Variants in OSBPL10 observed in about 807,000 individuals in gnomAD.
OSBPL10 encodes oxysterol-binding protein-related protein 10.
Under a neutral mutation model 81.7 loss-of-function variants are expected in OSBPL10, and 49 were observed. The ratio of observed to expected loss-of-function variants is 0.60; its 90% CI spans 0.48 to 0.76. The LOEUF (loss-of-function observed/expected upper bound fraction) is 0.76, where lower values mean the gene tolerates loss of function less well. OSBPL10 is among the 30% of genes least tolerant of loss of function. The pLI is 0.00. For synonymous variants in OSBPL10, 419 were observed against 383.6 expected, an observed-to-expected ratio of 1.09 and a Z score of -1.08; for missense variants, 923 against 987.8, an observed-to-expected ratio of 0.93 and a Z score of 0.88.
At chr3:31,774,921 C>A (rs1340053419) in intron 4 of OSBPL10, among the ~76,000 whole-genome samples, 1 of 151,308 alleles carries the variant, frequency 6.6e-6, no homozygotes, top group East Asian at 2.0e-4. Context: ...AATCCCAGCA[C>A]TTTGGGAGGC....
chr3:32,022,576 A>G (rs1699370828), intron 2 of OSBPL10, among the ~76,000 whole-genome samples: 1 of 152,180 alleles, frequency 6.6e-6, no homozygotes, highest in Admixed American at 6.6e-5. Flanking sequence ...GCTTGAGCTC[A>G]GGAGTTTGAG....
rs115340633 is a variant in OSBPL10 at position 31,716,083 on chromosome 3, C to T, written c.1096-13575G>A. Among the ~76,000 whole-genome samples the T allele has an allele frequency of 6.4e-3, 972 of 152,312 alleles. 7 individuals are homozygous for T. The highest frequency in any genetic ancestry group is 0.022 in the African/African-American group (932 of 41,558). ...AGGTCTACTGTGGTCCCTGGACCTG[C>T]AGCAGCAGAATCACTGTGAACTGAA... On this transcript the variant is annotated intron_variant, in intron 6 of 11. Coordinates refer to ENST00000396556, the MANE Select transcript of OSBPL10 (RefSeq NM_017784.5).
chr3:31,967,397 T>C (rs1698431243), intron 1 of OSBPL10, among the ~76,000 whole-genome samples: 1 of 152,076 alleles, frequency 6.6e-6, no homozygotes, highest in Admixed American at 6.5e-5. Flanking sequence ...GGAGGATCGC[T>C]TGAACCCAGG....
chr3:31,760,225 A>C (rs966827167), intron 4 of OSBPL10, among the ~76,000 whole-genome samples: 6 of 152,200 alleles, frequency 3.9e-5, no homozygotes, highest in African/African-American at 1.4e-4. Context: ...TGGCAGAGAC[A>C]GAAGAGTTGG....
At chr3:31,744,051 A>G (rs1697442855) in intron 5 of OSBPL10, among the ~76,000 whole-genome samples, 1 of 152,228 alleles carries the variant, frequency 6.6e-6, no homozygotes. Flanking sequence ...TGCAAGAAGT[A>G]ACTCTGCTTT....
At chr3:31,773,933 G>A (rs900258146) in intron 4 of OSBPL10, among the ~76,000 whole-genome samples, 3 of 152,192 alleles carry the variant, frequency 2.0e-5, no homozygotes, top group Non-Finnish European at 2.9e-5. Context: ...GGAGGCCGAG[G>A]TGGGTGGATC....
chr3:31,988,027 G>A (rs1698960200), intron 2 of OSBPL10, among the ~76,000 whole-genome samples: 2 of 152,228 alleles, frequency 1.3e-5, no homozygotes, highest in African/African-American at 4.8e-5. Flanking sequence ...AAGAACCCCA[G>A]AGAAGTATTC....
intron 3 of OSBPL10, among the ~76,000 whole-genome samples, chr3:31,864,530 G>A (rs1474570902): frequency 2.0e-5 from 3 of 151,972 alleles, no homozygotes; most frequent in African/African-American, 2.4e-5. Context: ...GTGAGCCACC[G>A]CACCCGACCA....
Position 31,989,891 on chromosome 3 carries a change from G to A in OSBPL10, n.298+56600C>T, listed in dbSNP as rs577712964. ...TGTGGCAAGGTCTTTAATCAGAAGC[G>A]ATACCTTGCATGCCATCATAGATGT... is the stretch of plus-strand genomic sequence containing the variant. On this transcript the variant is annotated intron_variant and non_coding_transcript_variant, in intron 2 of 3. Transcript: ENST00000479173. 1.8e-5 allele frequency: 29 copies of A among 1,614,126 alleles called. No homozygotes were observed. The highest frequency in any genetic ancestry group is 6.7e-5 in the East Asian group (3 of 44,862).
intron 1 of OSBPL10, among the ~76,000 whole-genome samples, chr3:31,884,078 G>C (rs1386056789): frequency 6.6e-6 from 1 of 152,244 alleles, no homozygotes; most frequent in Admixed American, 6.5e-5. Flanking sequence ...TAATTGAAGA[G>C]GACATTATTT....
chr3:32,050,360 T>C (rs938321877), intron 1 of OSBPL10, among the ~76,000 whole-genome samples: 1 of 152,218 alleles, frequency 6.6e-6, no homozygotes, highest in African/African-American at 2.4e-5. Context: ...GCTTTGGGAA[T>C]GAGTCCTTTC....
intron 4 of OSBPL10, among the ~76,000 whole-genome samples, chr3:31,763,511 G>T (rs1277924909): frequency 6.6e-6 from 1 of 152,090 alleles, no homozygotes; most frequent in Non-Finnish European, 1.5e-5. Flanking sequence ...CTTTTATTTT[G>T]CAAGGAGAAT....
At chr3:31,702,292 A>G in intron 7 of OSBPL10, 67 bp downstream of exon 7, 1 of 1,550,866 alleles carries the variant, frequency 6.4e-7, no homozygotes, top group Non-Finnish European at 8.8e-7. Context: ...ATGTGCATAG[A>G]GAAGGCTTGA....
chr3:31,766,175 G>T (rs1698187601), intron 4 of OSBPL10, among the ~76,000 whole-genome samples: 1 of 151,888 alleles, frequency 6.6e-6, no homozygotes, highest in African/African-American at 2.4e-5. Flanking sequence ...TATTGGCTCT[G>T]GGTCACATGC....
intron 4 of OSBPL10, among the ~76,000 whole-genome samples, chr3:31,822,913 T>TAAAAAAAAAAAACA (rs1700013484): frequency 1.1e-5 from 1 of 89,146 alleles, no homozygotes. Context: ...CCCCCAACTC[T>TAAAAAAAAAAAACA]AAAAAAAAAA....
chr3:31,989,325 A>G (rs779872387), intron 2 of OSBPL10: 2 of 1,614,138 alleles, frequency 1.2e-6, no homozygotes, highest in Non-Finnish European at 1.7e-6. Context: ...AAGGCAATAC[A>G]GAAGTGGACA....
chr3:32,006,418 A>G (rs1426060818), intron 2 of OSBPL10, among the ~76,000 whole-genome samples: 11 of 152,194 alleles, frequency 7.2e-5, no homozygotes, highest in South Asian at 2.1e-4. Context: ...TTTGTCTACT[A>G]TATCACATTA....
chr3:31,807,857 A>G (rs1023296524), intron 4 of OSBPL10, among the ~76,000 whole-genome samples: 2 of 152,230 alleles, frequency 1.3e-5, no homozygotes, highest in Admixed American at 6.5e-5. Context: ...CTAGGAAAGG[A>G]AGAGGCACTG....
At position 32,055,227 on chromosome 3, in the gene OSBPL10, G is replaced by A. The variant is rs1297747079; in HGVS notation, n.186-8624C>T. On this transcript the variant is annotated intron_variant and non_coding_transcript_variant, in intron 1 of 3. Coordinates refer to the OSBPL10 transcript ENST00000479173. The stretch of plus-strand genomic sequence containing the variant: ...TTTTTTTTTTTTTTTTTTTTGAGAC[G>A]GAGTCTCGCTCTGTCGCCCAGGCTG... Among the ~76,000 whole-genome samples the A allele has an allele frequency of 3.4e-5, 4 of 118,184 alleles. No individual in the cohort carries two copies. The East Asian group carries it at 7.6e-4, about 23-fold the overall frequency. The allele number at this position is 118,184 out of a possible 152,430, so 77.5% of individuals were successfully genotyped here. A position where few individuals can be genotyped will look rare whatever the true frequency, so the allele number is the denominator to read the frequency against.
Sources: gnomAD v4.1 joint callset for allele counts (sites outside exome capture counted in the v4.1 genomes callset) on GRCh38, gnomAD v4.1.1 for gene constraint, MANE v1.5 for transcripts, NCBI Gene and HGNC (gene_info 2026-07-23, HGNC 2026-07-21) for gene names.